The following FNBP1 variants were observed in gnomAD, a reference collection of about 807,000 sequenced individuals.
The protein encoded by FNBP1 is formin binding protein 1.
FNBP1 carries 26 observed loss-of-function variants against 90.6 expected under a neutral mutation model. That is an observed-to-expected ratio of 0.29 (90% confidence interval 0.21 to 0.40). FNBP1 has a LOEUF of 0.40. Ranked by LOEUF, FNBP1 falls within the 10% of genes least tolerant of loss-of-function variation. The probability of loss-of-function intolerance (pLI) is 1.00; values close to 1 mark genes in which losing one functional copy is unlikely to be tolerated. For synonymous variants in FNBP1, 260 were observed against 265.2 expected, an observed-to-expected ratio of 0.98 and a Z score of 0.19; for missense variants, 635 against 768.0, an observed-to-expected ratio of 0.83 and a Z score of 2.05.
intron 1 of FNBP1, among the ~76,000 whole-genome samples, chr9:130,006,361 G>A (rs2055696205): frequency 6.6e-6 from 1 of 152,226 alleles, no homozygotes; most frequent in Non-Finnish European, 1.5e-5. Flanking sequence ...TGGGCATGGT[G>A]GCAAAGGCCT....
At chr9:130,027,998 C>T (rs1373340810) in intron 1 of FNBP1, among the ~76,000 whole-genome samples, 2 of 152,040 alleles carry the variant, frequency 1.3e-5, no homozygotes, top group Non-Finnish European at 2.9e-5. Context: ...AACAATCATC[C>T]CCCTCACCTC....
intron 1 of FNBP1, among the ~76,000 whole-genome samples, chr9:130,024,099 A>T (rs993300365): frequency 6.6e-6 from 1 of 151,970 alleles, no homozygotes; most frequent in Non-Finnish European, 1.5e-5. Context: ...ACTACAAGCA[A>T]ATATTATCTA....
At position 129,939,029 on chromosome 9, in the gene FNBP1, G is replaced by A. The variant is rs545517527; in HGVS notation, c.514-9334C>T. Among the ~76,000 whole-genome samples the A allele has an allele frequency of 3.3e-5, 5 of 152,224 alleles. No individual in the cohort carries two copies. The East Asian group carries it at 9.7e-4, about 30-fold the overall frequency. ...TATCCCTCTTGTCACCCAAGCTGGA[G>A]TGCAGTGGCATGATCTCGGCTCACT... On this transcript the variant is annotated intron_variant, in intron 6 of 16. Coordinates refer to ENST00000446176, the MANE Select transcript of FNBP1 (RefSeq NM_015033.3).
chr9:129,912,233 C>T (rs1329575346), intron 11 of FNBP1, among the ~76,000 whole-genome samples: 1 of 152,130 alleles, frequency 6.6e-6, no homozygotes, highest in African/African-American at 2.4e-5. Context: ...GCGGAAGCCT[C>T]CACATATTTG....
chr9:130,034,312 C>CA (rs3055753), intron 1 of FNBP1, among the ~76,000 whole-genome samples: 5,644 of 118,270 alleles, frequency 0.048, 171 homozygotes, highest in Admixed American at 0.11. Flanking sequence ...GACTCCATCT[C>CA]AAAAAAAAAA....
chr9:129,917,216 G>T (rs1242744109), intron 10 of FNBP1, among the ~76,000 whole-genome samples: 2 of 151,924 alleles, frequency 1.3e-5, no homozygotes, highest in East Asian at 3.9e-4. Context: ...GTTTCGCCTT[G>T]TTGGTCAGGC....
chr9:130,042,950 A>C lies in FNBP1; in HGVS notation c.24+2T>G. On this transcript the variant is annotated splice_donor_variant, in intron 1 of 16. Coordinates refer to ENST00000446176, the MANE Select transcript of FNBP1 (RefSeq NM_015033.3). LOFTEE classifies it high-confidence loss of function. The surrounding 1 kb of genome is among the most constrained non-coding windows in gnomAD (Gnocchi z 5.5). The stretch of plus-strand genomic sequence containing the variant: ...TGCCCGCGGGCCCAGCCCCTCACTC[A>C]CCCAGAGCTCGGTGCCCCAGCTCAT... 1 of 1,227,462 alleles carries C rather than the reference A, an allele frequency of 8.1e-7. No individual in the cohort carries two copies. The highest frequency in any genetic ancestry group is 1.0e-6 in the Non-Finnish European group (1 of 984,940). The allele number at this position is 1,227,462 out of a possible 1,614,324, so 76.0% of individuals were successfully genotyped here.
intron 2 of FNBP1, among the ~76,000 whole-genome samples, chr9:129,985,876 C>T (rs889033585): frequency 1.2e-4 from 18 of 150,086 alleles, no homozygotes; most frequent in African/African-American, 4.4e-4. Flanking sequence ...GCAGGAGAAT[C>T]GCTTCAACCC....
At chr9:129,998,839 T>G (rs2054406381) in intron 1 of FNBP1, among the ~76,000 whole-genome samples, 1 of 152,182 alleles carries the variant, frequency 6.6e-6, no homozygotes, top group Non-Finnish European at 1.5e-5. Flanking sequence ...CATAAAGTTA[T>G]CTCTATTCAG....
In FNBP1 at chr9:129,924,970, T is replaced by C. The variant is rs2041659162; in HGVS notation, c.977A>G (p.Lys326Arg). Residue 326 changes from lysine to arginine, a missense_variant, in exon 9 of 17, where the codon AAA becomes AGA. Physicochemically the swap from Lys to Arg is conservative, Grantham distance 26 (BLOSUM62 2). Coordinates refer to ENST00000446176, the MANE Select transcript of FNBP1 (RefSeq NM_015033.3). Reference sequence around the variant, plus strand: ...GCCAACCATCAGTACCTTATTTTTTTTGATGAACGGCCATAACTTTCCTTT... The same window carrying C: ...GCCAACCATCAGTACCTTATTTTTTCTGATGAACGGCCATAACTTTCCTTT... ...KSKGKLWPFI[K>R]KNKLMSLLTS... 19 of 1,612,534 alleles carry C rather than the reference T, an allele frequency of 1.2e-5. No homozygotes were observed. Among genetic ancestry groups the C allele is most frequent in the South Asian group, 2.2e-5 (2 of 90,908 alleles).
At chr9:129,993,624 CT>C (rs10533724) in intron 2 of FNBP1, among the ~76,000 whole-genome samples, 91,608 of 111,984 alleles carry the variant, frequency 0.82, 37,337 homozygotes, top group East Asian at 0.87. Context: ...CCCCAAAGCA[CT>C]TTTTTTTTTT....
At chr9:129,925,527 G>T (rs1029925614) in intron 8 of FNBP1, among the ~76,000 whole-genome samples, 3 of 146,630 alleles carry the variant, frequency 2.0e-5, no homozygotes, top group Non-Finnish European at 4.5e-5. Context: ...GAATTATGAT[G>T]ATCTCATACA....
At chr9:130,034,015 CAAAA>C (rs369731296) in intron 1 of FNBP1, among the ~76,000 whole-genome samples, 4 of 102,244 alleles carry the variant, frequency 3.9e-5, no homozygotes, top group Admixed American at 1.1e-4. Flanking sequence ...GACTCTGTCT[CAAAA>C]AAAAAAAAAA....
intron 2 of FNBP1, among the ~76,000 whole-genome samples, chr9:129,991,078 C>T (rs745447155): frequency 1.3e-5 from 2 of 151,498 alleles, no homozygotes; most frequent in Non-Finnish European, 2.9e-5. Context: ...GGATTACAGG[C>T]GCCCACCACC....
intron 16 of FNBP1, among the ~76,000 whole-genome samples, chr9:129,892,071 T>A (rs918608713): frequency 5.3e-5 from 8 of 152,148 alleles, no homozygotes; most frequent in Non-Finnish European, 1.2e-4. Flanking sequence ...TAGCTCCCCA[T>A]GCGAGAGGCT....
At chr9:129,990,584 G>A (rs1589114289) in intron 2 of FNBP1, among the ~76,000 whole-genome samples, 1 of 152,322 alleles carries the variant, frequency 6.6e-6, no homozygotes, top group East Asian at 1.9e-4. Flanking sequence ...GATTATACAA[G>A]GTTTTGGAGG....
chr9:130,001,503 T>TAAACTCCATGAGAAGGTTTCAGG (rs1249377473), intron 1 of FNBP1, among the ~76,000 whole-genome samples: 4 of 152,144 alleles, frequency 2.6e-5, no homozygotes, highest in Non-Finnish European at 4.4e-5. Flanking sequence ...TTTGACCTTG[T>TAAACTCCATGAGAAGGTTTCAGG]AAACTCCATG....
At chr9:129,925,976 TTTTG>T (rs1017295809) in intron 8 of FNBP1, among the ~76,000 whole-genome samples, 8 of 151,848 alleles carry the variant, frequency 5.3e-5, no homozygotes, top group African/African-American at 1.5e-4. Flanking sequence ...TTTCTGATTT[TTTTG>T]TTTGTTTTTG....
At chr9:129,899,819 A>T in intron 15 of FNBP1, 146 bp downstream of exon 15, 1 of 563,662 alleles carries the variant, frequency 1.8e-6, no homozygotes, top group Non-Finnish European at 2.9e-6. Context: ...GGGAAGGGGA[A>T]GGGGAAGGGA....
Sources: gnomAD v4.1 joint callset for allele counts (sites outside exome capture counted in the v4.1 genomes callset) on GRCh38, gnomAD v4.1.1 for gene constraint, Gnocchi (gnomAD v3.1) non-coding constraint, MANE v1.5 for transcripts, NCBI Gene and HGNC (gene_info 2026-07-23, HGNC 2026-07-21) for gene names.